The following EP300 variants were observed in gnomAD, a reference collection of about 807,000 sequenced individuals.
The protein encoded by EP300 is EP300 lysine acetyltransferase, also known as histone acetyltransferase p300.
A neutral mutation model predicts 264.0 loss-of-function variants in EP300; 31 were observed. That is an observed-to-expected ratio of 0.12 (90% confidence interval 0.09 to 0.16). The LOEUF is 0.16. Among genes scored for constraint, EP300 ranks in the 10% least tolerant of loss-of-function variants. The probability of loss-of-function intolerance (pLI) is 1.00; values close to 1 mark genes in which losing one functional copy is unlikely to be tolerated. For missense variants in EP300, 2,766 were observed against 3,052.9 expected (o/e 0.91, Z 2.21); for synonymous variants, 1,340 against 1,045.4 (o/e 1.28, Z -5.44).
intron 10 of EP300, among the ~76,000 whole-genome samples, chr22:41,145,675 G>A (rs144555298): frequency 7.2e-4 from 109 of 152,354 alleles, no homozygotes; most frequent in African/African-American, 2.6e-3. Flanking sequence ...CCAGGCTGGA[G>A]TGCAGTGGCA....
Position 41,137,643 on chromosome 22 carries a change from C to CT in EP300, c.1623-5dup, listed in dbSNP as rs1470796846. On this transcript the variant is annotated splice_polypyrimidine_tract_variant and intron_variant, in intron 7 of 30. Coordinates refer to ENST00000263253, the MANE Select transcript of EP300 (RefSeq NM_001429.4). The stretch of plus-strand genomic sequence containing the variant: ...CTTCACTAAAACTATTTGGTGACCC[C>CT]TTTTTGAAGCCCAATGATGAGTGAA... The CT allele has an allele frequency of 6.2e-7, 1 of 1,613,944 alleles. No homozygotes were observed. Among genetic ancestry groups the CT allele is most frequent in the East Asian group, 2.2e-5 (1 of 44,884 alleles).
At chr22:41,166,700 A>C (rs911690792) in intron 23 of EP300, 34 bp downstream of exon 23, 1 of 1,453,720 alleles carries the variant, frequency 6.9e-7, no homozygotes, top group African/African-American at 1.4e-5. Context: ...ATTTTGGCAA[A>C]ACTTATCTGA....
At chr22:41,166,153 T>A (rs993520064) in intron 22 of EP300, among the ~76,000 whole-genome samples, 6 of 152,204 alleles carry the variant, frequency 3.9e-5, no homozygotes, top group African/African-American at 1.4e-4. Context: ...CATACTATAA[T>A]CCATTTATTT....
At chr22:41,127,418 C>A in intron 3 of EP300, 69 bp from the exon 4 acceptor site, 1 of 1,590,514 alleles carries the variant, frequency 6.3e-7, no homozygotes, top group South Asian at 1.1e-5. Flanking sequence ...TGAAAATATC[C>A]ACATCTCTAT....
intron 14 of EP300, among the ~76,000 whole-genome samples, chr22:41,151,235 A>G (rs553493438): frequency 6.6e-6 from 1 of 152,262 alleles, no homozygotes; most frequent in Admixed American, 6.5e-5. Flanking sequence ...ATAGACAAGG[A>G]AGGACAGAAT....
chr22:41,158,837 T>C, intron 19 of EP300: 1 of 275,808 alleles, frequency 3.6e-6, no homozygotes, highest in African/African-American at 2.2e-5. Flanking sequence ...ACTGAGAAGA[T>C]TTTTAAACTT....
In EP300 at chr22:41,168,896, G is replaced by A. The variant is rs2294977; in HGVS notation, c.4172+29G>A. 1,254 of 1,614,010 alleles carry A rather than the reference G, an allele frequency of 7.8e-4. 15 individuals are homozygous for A. The East Asian group carries it at 0.025, about 32-fold the overall frequency. On this transcript the variant is annotated intron_variant, in intron 25 of 30. Coordinates refer to ENST00000263253, the MANE Select transcript of EP300 (RefSeq NM_001429.4). The stretch of plus-strand genomic sequence containing the variant: ...TGACTAGCTCACAGTGGCTAGCTCC[G>A]GATTTGTGTGGGAGTTCCAACTTAT...
At chr22:41,163,403 C>A (rs1344700801) in intron 21 of EP300, among the ~76,000 whole-genome samples, 1 of 136,048 alleles carries the variant, frequency 7.4e-6, no homozygotes, top group South Asian at 2.3e-4. Context: ...CCACTGCACT[C>A]CAGCCTGGGC....
rs370701103 is a variant in EP300 at position 41,147,787 on chromosome 22, A to G, written c.2132-50A>G. On this transcript the variant is annotated intron_variant, in intron 11 of 30. Coordinates refer to ENST00000263253, the MANE Select transcript of EP300 (RefSeq NM_001429.4). ...AGACATAAGAATTCTATCTTTTATTATTCAATTTCACAAAGGCATTCAGAT... is the reference window on the plus strand; with the variant it reads ...AGACATAAGAATTCTATCTTTTATTGTTCAATTTCACAAAGGCATTCAGAT... 6.7e-6 allele frequency: 8 copies of G among 1,191,392 alleles called. No homozygotes were observed. In the African/African-American group the frequency reaches 7.5e-5, roughly 11 times the overall value. The allele number at this position is 1,191,392 out of a possible 1,614,324, so 73.8% of individuals were successfully genotyped here.
At chr22:41,109,311 G>C (rs2058775908) in intron 1 of EP300, among the ~76,000 whole-genome samples, 1 of 147,262 alleles carries the variant, frequency 6.8e-6, no homozygotes, top group African/African-American at 2.5e-5. Context: ...AAATACAATA[G>C]ATTTGGCTTC....
At chr22:41,107,611 A>G (rs1244303695) in intron 1 of EP300, among the ~76,000 whole-genome samples, 1 of 152,186 alleles carries the variant, frequency 6.6e-6, no homozygotes, top group East Asian at 1.9e-4. Context: ...GTTATGCTTC[A>G]TTTATATATA....
chr22:41,135,343 A>G (rs1461034193), intron 6 of EP300, among the ~76,000 whole-genome samples: 1 of 152,138 alleles, frequency 6.6e-6, no homozygotes, highest in Non-Finnish European at 1.5e-5. Flanking sequence ...TATAGTTCCT[A>G]TTATAGCTCT....
intron 1 of EP300, among the ~76,000 whole-genome samples, chr22:41,116,454 C>T (rs112624735): frequency 0.27 from 40,832 of 152,048 alleles, 6,475 homozygotes; most frequent in East Asian, 0.54. Flanking sequence ...TGAGTGAGAA[C>T]ATGCGGTGTT....
intron 16 of EP300, among the ~76,000 whole-genome samples, chr22:41,154,469 C>T (rs1011559014): frequency 2.1e-5 from 3 of 145,144 alleles, no homozygotes; most frequent in Non-Finnish European, 4.5e-5. Flanking sequence ...GCAACATCTG[C>T]CTCCCGAGTT....
At chr22:41,175,908 A>G (rs2059197603) in intron 29 of EP300, among the ~76,000 whole-genome samples, 1 of 152,190 alleles carries the variant, frequency 6.6e-6, no homozygotes, top group South Asian at 2.1e-4. Flanking sequence ...GGTGAAACTA[A>G]CTCAGCATTC....
At chr22:41,095,755 G>A (rs2058698797) in intron 1 of EP300, among the ~76,000 whole-genome samples, 1 of 151,914 alleles carries the variant, frequency 6.6e-6, no homozygotes, top group Non-Finnish European at 1.5e-5. Context: ...CGAAATTCTA[G>A]CACCTAAAAC....
intron 1 of EP300, among the ~76,000 whole-genome samples, chr22:41,101,413 TC>T (rs1178084773): frequency 1.4e-5 from 2 of 147,042 alleles, no homozygotes; most frequent in Admixed American, 1.3e-4. Context: ...CTTACATGGA[TC>T]TTTTTTTTTT....
chr22:41,093,183 C>A, intron 1 of EP300, 85 bp downstream of exon 1: 1 of 1,358,862 alleles, frequency 7.4e-7, no homozygotes, highest in Non-Finnish European at 1.0e-6. Flanking sequence ...TTTTTTTCTT[C>A]CTCTCTCTCT....
rs11704815 is a variant in EP300, at chr22:41,157,261, C to T, written c.3354C>T (p.Val1118=). The change falls in exon 18 of 31, where the codon GTC becomes GTT. Residue 1118 remains valine, a synonymous_variant. Transcript: ENST00000263253. ...AGTATCAGGAGCCCTGGCAGTATGT[C>T]GATGATATTTGGCTTATGTTCAATA... ...TGQYQEPWQY[V]DDIWLMFNNA... is the part of the protein sequence containing the mutation. 3,219 of 1,614,044 alleles carry T rather than the reference C, an allele frequency of 2.0e-3. 7 individuals are homozygous for T. The highest frequency in any genetic ancestry group is 2.6e-3 in the Non-Finnish European group (3,064 of 1,180,006).
Sources: gnomAD v4.1 joint callset for allele counts (sites outside exome capture counted in the v4.1 genomes callset) on GRCh38, gnomAD v4.1.1 for gene constraint, MANE v1.5 for transcripts, NCBI Gene and HGNC (gene_info 2026-07-23, HGNC 2026-07-21) for gene names.